The following KSR2 variants were observed in gnomAD, a reference collection of about 807,000 sequenced individuals.
The protein encoded by KSR2 is kinase suppressor of ras 2.
A neutral mutation model predicts 107.8 loss-of-function variants in KSR2; 25 were observed. The ratio of observed to expected loss-of-function variants is 0.23; its 90% CI spans 0.17 to 0.32. The LOEUF is 0.32. Among genes scored for constraint, KSR2 ranks in the 10% least tolerant of loss-of-function variants. KSR2 has a pLI of 1.00. For missense variants in KSR2, 887 were observed against 1,268.9 expected (o/e 0.70, Z 4.57); for synonymous variants, 480 against 507.0 (o/e 0.95, Z 0.71).
chr12:117,811,406 G>A (rs943451203), intron 3 of KSR2, among the ~76,000 whole-genome samples: 7 of 152,160 alleles, frequency 4.6e-5, no homozygotes, highest in South Asian at 2.1e-4. Context: ...CAGCAGCATC[G>A]GCAACACCTG....
rs184584967 is a variant in KSR2 at position 117,674,867 on chromosome 12, C to A, written c.987-7209G>T. Among the ~76,000 whole-genome samples, 4 of 152,288 alleles carry A rather than the reference C, an allele frequency of 2.6e-5. No individual in the cohort carries two copies. In the East Asian group the frequency reaches 7.7e-4, roughly 29 times the overall value. ...TGGTCTATAAAAGCTTCCTAGGACC[C>A]TCCACACCTACCCTCCAACTTCTTG... On this transcript the variant is annotated intron_variant, in intron 4 of 19. Coordinates refer to ENST00000339824, the MANE Select transcript of KSR2 (RefSeq NM_173598.6).
intron 18 of KSR2, among the ~76,000 whole-genome samples, chr12:117,470,614 A>G (rs180896914): frequency 6.6e-6 from 1 of 152,342 alleles, no homozygotes. Flanking sequence ...CTTCAAAGTC[A>G]GAGGAGAAAA....
chr12:117,711,371 C>A (rs1886771870), intron 4 of KSR2, among the ~76,000 whole-genome samples: 1 of 152,140 alleles, frequency 6.6e-6, no homozygotes, highest in Admixed American at 6.5e-5. Context: ...GTGCAAAGGC[C>A]CTGAGGCAGG....
At chr12:117,724,935 C>T (rs1887356690) in intron 4 of KSR2, among the ~76,000 whole-genome samples, 1 of 152,070 alleles carries the variant, frequency 6.6e-6, no homozygotes, top group African/African-American at 2.4e-5. Flanking sequence ...TCTGTTTAGA[C>T]TGGATGCTCT....
At chr12:117,564,949 C>T (rs1290157924) in intron 7 of KSR2, among the ~76,000 whole-genome samples, 1 of 152,212 alleles carries the variant, frequency 6.6e-6, no homozygotes, top group African/African-American at 2.4e-5. Flanking sequence ...CTCTGCATTT[C>T]CTTCTTTCTT....
intron 7 of KSR2, among the ~76,000 whole-genome samples, chr12:117,566,115 C>G (rs568119529): frequency 6.6e-6 from 1 of 151,962 alleles, no homozygotes; most frequent in African/African-American, 2.4e-5. Context: ...TGCAACCTCT[C>G]CCTCCTCCCA....
intron 4 of KSR2, among the ~76,000 whole-genome samples, chr12:117,703,360 G>A (rs761949878): frequency 2.6e-5 from 4 of 152,102 alleles, no homozygotes; most frequent in African/African-American, 9.7e-5. Flanking sequence ...CTAAATTTAA[G>A]TTGATACTCT....
At chr12:117,683,087 G>A (rs1381505008) in intron 4 of KSR2, among the ~76,000 whole-genome samples, 1 of 152,148 alleles carries the variant, frequency 6.6e-6, no homozygotes, top group Non-Finnish European at 1.5e-5. Flanking sequence ...TGAGGGGGCT[G>A]TGGATTTGGG....
intron 3 of KSR2, among the ~76,000 whole-genome samples, chr12:117,764,559 C>G (rs77055761): frequency 6.6e-6 from 1 of 152,096 alleles, no homozygotes; most frequent in Non-Finnish European, 1.5e-5. Flanking sequence ...ATCATTCAAA[C>G]GGGAAAAGAT....
intron 5 of KSR2, among the ~76,000 whole-genome samples, chr12:117,666,810 G>A (rs1372278317): frequency 6.6e-6 from 1 of 152,190 alleles, no homozygotes; most frequent in Non-Finnish European, 1.5e-5. Context: ...TTCAGTGGGG[G>A]TGCCCCTCTG....
chr12:117,886,467 A>C (rs375969658), intron 1 of KSR2, among the ~76,000 whole-genome samples: 1 of 152,078 alleles, frequency 6.6e-6, no homozygotes. Flanking sequence ...CACAGATACC[A>C]TTGTGTTACC....
intron 4 of KSR2, among the ~76,000 whole-genome samples, chr12:117,747,806 G>T (rs1167742981): frequency 6.6e-6 from 1 of 152,102 alleles, no homozygotes. Flanking sequence ...AAATTACCAA[G>T]TCATAGAGAG....
At chr12:117,485,230 G>A (rs899784183) in intron 15 of KSR2, among the ~76,000 whole-genome samples, 5 of 152,194 alleles carry the variant, frequency 3.3e-5, no homozygotes, top group Non-Finnish European at 5.9e-5. Context: ...TGTTTCCCTA[G>A]CAGCAGTGGA....
At chr12:117,900,023 T>A (rs1894634475) in intron 1 of KSR2, among the ~76,000 whole-genome samples, 1 of 152,202 alleles carries the variant, frequency 6.6e-6, no homozygotes, top group African/African-American at 2.4e-5. Context: ...AGCCTTCAGA[T>A]GAGAATGCAG....
chr12:117,493,826 G>T (rs1420284722), intron 14 of KSR2, among the ~76,000 whole-genome samples: 1 of 152,122 alleles, frequency 6.6e-6, no homozygotes, highest in African/African-American at 2.4e-5. Context: ...CTATTCTCGT[G>T]ATAGGGAATA....
chr12:117,902,689 C>A (rs1247900729), intron 1 of KSR2, among the ~76,000 whole-genome samples: 2 of 151,834 alleles, frequency 1.3e-5, no homozygotes. Context: ...CACGCGTATA[C>A]CTATGTAACA....
intron 1 of KSR2, among the ~76,000 whole-genome samples, chr12:117,882,085 T>G (rs1236745187): frequency 6.6e-6 from 1 of 152,118 alleles, no homozygotes. Flanking sequence ...GACAGACCAC[T>G]CTAAGAGGAA....
At chr12:117,836,950 G>T (rs2137139733) in intron 3 of KSR2, among the ~76,000 whole-genome samples, 1 of 152,266 alleles carries the variant, frequency 6.6e-6, no homozygotes, top group African/African-American at 2.4e-5. Context: ...AGCTCCCTTT[G>T]CATCTCCACT....
intron 5 of KSR2, among the ~76,000 whole-genome samples, chr12:117,634,616 G>A (rs751235885): frequency 6.6e-6 from 1 of 152,096 alleles, no homozygotes; most frequent in Non-Finnish European, 1.5e-5. Context: ...GGTGACACTC[G>A]CATGGCTAAG....
Sources: gnomAD v4.1 joint callset for allele counts (sites outside exome capture counted in the v4.1 genomes callset) on GRCh38, gnomAD v4.1.1 for gene constraint, MANE v1.5 for transcripts, NCBI Gene and HGNC (gene_info 2026-07-23, HGNC 2026-07-21) for gene names.